NCOA2: variants seen among roughly 807,000 people sequenced by gnomAD.
The protein encoded by NCOA2 is nuclear receptor coactivator 2, also known as class E basic helix-loop-helix protein 75.
Under a neutral mutation model 145.1 loss-of-function variants are expected in NCOA2, and 21 were observed. The observed-to-expected ratio is 0.14, with a 90% CI of 0.10 to 0.21. The LOEUF (loss-of-function observed/expected upper bound fraction) is 0.21. Ranked by LOEUF, NCOA2 falls within the 10% of genes least tolerant of loss-of-function variation. The pLI, the probability that NCOA2 is intolerant of heterozygous loss-of-function variation, is 1.00. For synonymous variants in NCOA2, 619 were observed against 637.5 expected, an observed-to-expected ratio of 0.97 and a Z score of 0.44; for missense variants, 1,472 against 1,837.6, an observed-to-expected ratio of 0.80 and a Z score of 3.64.
At chr8:70,390,940 C>T (rs1813144933) in intron 1 of NCOA2, among the ~76,000 whole-genome samples, 1 of 152,124 alleles carries the variant, frequency 6.6e-6, no homozygotes. Flanking sequence ...TGGTCTATTT[C>T]TCAAAGTGAG....
the NCOA2 span, among the ~76,000 whole-genome samples, chr8:70,416,195 G>T: frequency 0.11 from 14,437 of 135,136 alleles, 1,113 homozygotes; most frequent in African/African-American, 0.22. Flanking sequence ...CAGTTTTTTT[G>T]TTTTTTTTTT....
intron 22 of NCOA2, among the ~76,000 whole-genome samples, chr8:70,116,186 T>TAAA (rs71558579): frequency 5.0e-5 from 4 of 80,660 alleles, no homozygotes; most frequent in Admixed American, 1.4e-4. Context: ...GACTCTGTCT[T>TAAA]AAAAAAAAAA....
chr8:70,350,480 A>C (rs1272068488), intron 1 of NCOA2, among the ~76,000 whole-genome samples: 1 of 152,172 alleles, frequency 6.6e-6, no homozygotes, highest in Non-Finnish European at 1.5e-5. Flanking sequence ...ATTGGCCCCA[A>C]CTTGGGGACC....
chr8:70,290,911 C>G (rs189590553), intron 2 of NCOA2, among the ~76,000 whole-genome samples: 204 of 152,250 alleles, frequency 1.3e-3, no homozygotes, highest in African/African-American at 4.7e-3. Flanking sequence ...GACTCAAATT[C>G]AGCACCTGCC....
intron 2 of NCOA2, among the ~76,000 whole-genome samples, chr8:70,241,616 T>C (rs1359830637): frequency 6.6e-6 from 1 of 152,190 alleles, no homozygotes; most frequent in Non-Finnish European, 1.5e-5. Context: ...CAAATCTAAC[T>C]GAACCCAGCA....
chr8:70,325,262 T>C (rs1022140236), intron 1 of NCOA2, among the ~76,000 whole-genome samples: 1 of 152,178 alleles, frequency 6.6e-6, no homozygotes, highest in Non-Finnish European at 1.5e-5. Context: ...TATGCTCAAC[T>C]GGTAAGGCTT....
the NCOA2 span, among the ~76,000 whole-genome samples, chr8:70,419,253 G>A: frequency 6.6e-6 from 1 of 151,982 alleles, no homozygotes; most frequent in Non-Finnish European, 1.5e-5. Context: ...ATTCTTCAAG[G>A]AGTTTTTATC....
At position 70,156,133 on chromosome 8, in the gene NCOA2, T is replaced by C. The variant is rs1381757153; in HGVS notation, c.2232A>G (p.Leu744=). The C allele has an allele frequency of 2.5e-6, 4 of 1,613,944 alleles. No individual in the cohort carries two copies. The South Asian group carries it at 4.4e-5, about 18-fold the overall frequency. ...PVSPKKKENA[L]LRYLLDKDDT... ...CATCTTTATCTAGCAAATAGCGAAG[T>C]AGTGCATTCTCTTTCTTCTTGGGGC... Residue 744 remains leucine (L), a synonymous_variant, in exon 11 of 23, where the codon CTA becomes CTG. Transcript: ENST00000452400.
intron 1 of NCOA2, among the ~76,000 whole-genome samples, chr8:70,360,976 T>C (rs930877236): frequency 6.8e-5 from 10 of 146,168 alleles, no homozygotes; most frequent in African/African-American, 2.0e-4. Flanking sequence ...ACTTGTAAAA[T>C]ACTGATCTCA....
chr8:70,216,647 G>C lies in NCOA2; in HGVS notation c.86+13C>G, dbSNP rs367821839. On this transcript the variant is annotated intron_variant, in intron 3 of 22. Transcript: ENST00000452400. The stretch of plus-strand genomic sequence containing the variant: ...CAGACAATACTGATTCCTTTTCTCA[G>C]CAAGAATCTAACCTGGGTCCAAGTT... 1 of 1,597,086 alleles carries C rather than the reference G, an allele frequency of 6.3e-7. No individual in the cohort carries two copies. The highest frequency in any genetic ancestry group is 8.6e-7 in the Non-Finnish European group (1 of 1,164,596).
intron 1 of NCOA2, among the ~76,000 whole-genome samples, chr8:70,306,942 A>T (rs897338722): frequency 5.3e-5 from 8 of 152,174 alleles, no homozygotes; most frequent in African/African-American, 1.9e-4. Flanking sequence ...AAGTTAAAGC[A>T]AGAGGAAGAA....
intron 2 of NCOA2, among the ~76,000 whole-genome samples, chr8:70,293,344 T>C (rs564721258): frequency 6.6e-6 from 1 of 152,250 alleles, no homozygotes; most frequent in African/African-American, 2.4e-5. Context: ...GATTAAAAAC[T>C]CCAACAAATA....
intron 11 of NCOA2, among the ~76,000 whole-genome samples, chr8:70,150,575 A>G (rs1811630193): frequency 6.6e-6 from 1 of 152,232 alleles, no homozygotes; most frequent in African/African-American, 2.4e-5. Context: ...ATGGTGGGCA[A>G]AACTGCTCAT....
intron 1 of NCOA2, among the ~76,000 whole-genome samples, chr8:70,326,790 T>C (rs1045683943): frequency 6.6e-6 from 1 of 152,186 alleles, no homozygotes; most frequent in African/African-American, 2.4e-5. Context: ...GAAAATGTAA[T>C]GAGATATATT....
chr8:70,182,967 A>G (rs918854589), intron 4 of NCOA2, among the ~76,000 whole-genome samples: 1 of 152,224 alleles, frequency 6.6e-6, no homozygotes, highest in Admixed American at 6.5e-5. Flanking sequence ...ACATATTACT[A>G]CATTTATTAT....
intron 1 of NCOA2, among the ~76,000 whole-genome samples, chr8:70,330,029 T>C (rs1240861961): frequency 1.3e-5 from 2 of 151,364 alleles, no homozygotes; most frequent in Non-Finnish European, 3.0e-5. Flanking sequence ...GGCACATACA[T>C]ATTTATATAT....
At chr8:70,142,116 C>T (rs1004822701) in intron 13 of NCOA2, among the ~76,000 whole-genome samples, 3 of 152,236 alleles carry the variant, frequency 2.0e-5, no homozygotes, top group African/African-American at 7.2e-5. Flanking sequence ...ACTGTGTTTG[C>T]TCTGTCCTGT....
chr8:70,214,015 A>G lies in NCOA2; in HGVS notation c.147T>C (p.Leu49=), dbSNP rs1819329581. ...TAAAATTTGCAAAAATCAACTCTGC[A>G]AGTTCTTCTATATATTTATTTTCCT... The part of the protein sequence containing the change: ...REQENKYIEE[L]AELIFANFND... Residue 49 remains leucine (L), a synonymous_variant, in exon 4 of 23, where the codon CTT becomes CTC. Coordinates refer to ENST00000452400, the MANE Select transcript of NCOA2 (RefSeq NM_006540.4). The G allele has an allele frequency of 6.2e-7, 1 of 1,612,716 alleles. No homozygotes were observed. The highest frequency in any genetic ancestry group is 8.5e-7 in the Non-Finnish European group (1 of 1,179,556).
chr8:70,116,153 C>T (rs571005939), intron 22 of NCOA2, among the ~76,000 whole-genome samples: 93 of 144,218 alleles, frequency 6.4e-4, no homozygotes, highest in African/African-American at 2.4e-3. Context: ...CGCCACTGCA[C>T]TCCAGCCTGG....
Sources: gnomAD v4.1 joint callset for allele counts (sites outside exome capture counted in the v4.1 genomes callset) on GRCh38, gnomAD v4.1.1 for gene constraint, MANE v1.5 for transcripts, NCBI Gene and HGNC (gene_info 2026-07-23, HGNC 2026-07-21) for gene names.